The following PDE11A variants were observed in gnomAD, a reference collection of about 807,000 sequenced individuals.
The protein encoded by PDE11A is dual 3',5'-cyclic-AMP and -GMP phosphodiesterase 11A.
A neutral mutation model predicts 100.5 loss-of-function variants in PDE11A; 100 were observed. The ratio of observed to expected loss-of-function variants is 1.00; its 90% confidence interval spans 0.85 to 1.18. The LOEUF (loss-of-function observed/expected upper bound fraction) is 1.18, where lower values mean the gene tolerates loss of function less well. Among genes scored for constraint, PDE11A ranks in the 50% most tolerant of loss-of-function variants. The probability of loss-of-function intolerance (pLI) is 0.00; values close to 1 mark genes in which losing one functional copy is unlikely to be tolerated. For synonymous variants in PDE11A, 381 were observed against 420.8 expected, an observed-to-expected ratio of 0.91 and a Z score of 1.16; for missense variants, 1,141 against 1,152.6, an observed-to-expected ratio of 0.99 and a Z score of 0.15.
At chr2:177,641,036 C>G (rs1361913797) in intron 19 of PDE11A, among the ~76,000 whole-genome samples, 1 of 152,194 alleles carries the variant, frequency 6.6e-6, no homozygotes, top group African/African-American at 2.4e-5. Context: ...GCTGCAGCCT[C>G]CTAACCAGTC....
Position 177,817,883 on chromosome 2 carries a change from T to C in PDE11A, c.1619A>G (p.Asp540Gly). 1 of 1,541,366 alleles carries C rather than the reference T, an allele frequency of 6.5e-7. No homozygotes were observed. The highest frequency in any genetic ancestry group is 9.0e-7 in the Non-Finnish European group (1 of 1,115,416). ...VLNRLDGKPFDDADQRLFEAF... is the reference protein window; with the variant it reads ...VLNRLDGKPFGDADQRLFEAF... Reference sequence around the variant, plus strand: ...CTCAAAAAGTCGTTGATCTGCATCATCAAAAGGTTTCCCATCAAGTCTGTT... The same window carrying C: ...CTCAAAAAGTCGTTGATCTGCATCACCAAAAGGTTTCCCATCAAGTCTGTT... Residue 540 changes from aspartate to glycine, a missense_variant, in exon 8 of 20, where the codon GAT (aspartate) becomes GGT (glycine). Transcript: ENST00000286063.
Position 177,840,452 on chromosome 2 carries a change from A to G in PDE11A, c.1368-69T>C, listed in dbSNP as rs151223852. The G allele has an allele frequency of 2.3e-4, 293 of 1,296,952 alleles. 2 individuals carry two copies. The East Asian group carries it at 6.4e-3, about 28-fold the overall frequency. The allele number at this position is 1,296,952 out of a possible 1,614,324, so 80.3% of individuals were successfully genotyped here. On this transcript the variant is annotated intron_variant, in intron 5 of 19. Coordinates refer to ENST00000286063, the MANE Select transcript of PDE11A (RefSeq NM_016953.4). ...AAGTTTTCTTGAAAGGAAACCCTAT[A>G]AACTACACTAATATCAGGATAATCT...
intron 6 of PDE11A, among the ~76,000 whole-genome samples, chr2:177,831,901 A>G (rs9808399): frequency 0.076 from 11,590 of 152,202 alleles, 724 homozygotes; most frequent in African/African-American, 0.17. Context: ...GCTATGTCTT[A>G]AGGATTGGTG....
At chr2:178,009,941 C>T (rs1306053111) in intron 2 of PDE11A, among the ~76,000 whole-genome samples, 1 of 152,168 alleles carries the variant, frequency 6.6e-6, no homozygotes, top group Non-Finnish European at 1.5e-5. Context: ...GCAACAAATT[C>T]ACCACTACTC....
intron 2 of PDE11A, among the ~76,000 whole-genome samples, chr2:177,989,010 T>G (rs1436160248): frequency 1.3e-5 from 2 of 152,200 alleles, no homozygotes; most frequent in Non-Finnish European, 2.9e-5. Context: ...GTATTATATC[T>G]CAGAGAGGAT....
chr2:177,945,359 C>G (rs1574297938), intron 2 of PDE11A, among the ~76,000 whole-genome samples: 1 of 145,956 alleles, frequency 6.9e-6, no homozygotes, highest in East Asian at 2.1e-4. Flanking sequence ...GGCCGCCATC[C>G]CATCTAGGAA....
At chr2:177,735,172 G>A (rs2081758883) in intron 10 of PDE11A, among the ~76,000 whole-genome samples, 1 of 152,222 alleles carries the variant, frequency 6.6e-6, no homozygotes, top group South Asian at 2.1e-4. Flanking sequence ...ACCCCCGGGA[G>A]AGTTTAGTGA....
At chr2:177,936,449 T>C (rs1574291236) in intron 2 of PDE11A, among the ~76,000 whole-genome samples, 1 of 152,206 alleles carries the variant, frequency 6.6e-6, no homozygotes, top group Non-Finnish European at 1.5e-5. Context: ...GTGCTCTTGA[T>C]GTAGTTTAAG....
chr2:177,952,086 T>C (rs1317532681), intron 2 of PDE11A, among the ~76,000 whole-genome samples: 1 of 152,152 alleles, frequency 6.6e-6, no homozygotes, highest in African/African-American at 2.4e-5. Flanking sequence ...CTACCTAAAC[T>C]TCCTCATTTA....
intron 2 of PDE11A, among the ~76,000 whole-genome samples, chr2:178,004,849 G>T (rs1459194662): frequency 1.3e-5 from 2 of 152,076 alleles, no homozygotes; most frequent in African/African-American, 2.4e-5. Flanking sequence ...GCTATGTCAG[G>T]TTATTATCAT....
chr2:178,004,848 G>C (rs1293596073), intron 2 of PDE11A, among the ~76,000 whole-genome samples: 1 of 152,092 alleles, frequency 6.6e-6, no homozygotes, highest in Non-Finnish European at 1.5e-5. Context: ...GGCTATGTCA[G>C]GTTATTATCA....
intron 10 of PDE11A, among the ~76,000 whole-genome samples, chr2:177,760,307 AT>A (rs1558924819): frequency 6.6e-6 from 1 of 152,194 alleles, no homozygotes; most frequent in Non-Finnish European, 1.5e-5. Context: ...GCATTAGTGT[AT>A]AGTTTTTATA....
At chr2:177,889,958 G>C (rs1046311627) in intron 4 of PDE11A, among the ~76,000 whole-genome samples, 4 of 151,928 alleles carry the variant, frequency 2.6e-5, no homozygotes, top group African/African-American at 9.7e-5. Flanking sequence ...CCTGCTAGTG[G>C]CTCTTTGTTG....
chr2:178,008,650 A>T (rs931936165), intron 2 of PDE11A, among the ~76,000 whole-genome samples: 2 of 152,184 alleles, frequency 1.3e-5, no homozygotes, highest in East Asian at 1.9e-4. Context: ...TTTCCCTATT[A>T]TCTGGCTGTG....
intron 4 of PDE11A, among the ~76,000 whole-genome samples, chr2:177,896,159 C>T (rs2084608657): frequency 2.0e-5 from 3 of 152,054 alleles, no homozygotes; most frequent in South Asian, 2.1e-4. Flanking sequence ...TACCAGCCAG[C>T]GCTGTTATCG....
At chr2:178,082,230 G>C (rs760970198) in intron 2 of PDE11A, among the ~76,000 whole-genome samples, 8 of 152,174 alleles carry the variant, frequency 5.3e-5, no homozygotes, top group Non-Finnish European at 8.8e-5. Context: ...AAAGGAGCAG[G>C]ATTGAAAATA....
intron 15 of PDE11A, among the ~76,000 whole-genome samples, chr2:177,690,145 T>C (rs2081021516): frequency 6.6e-6 from 1 of 152,140 alleles, no homozygotes; most frequent in South Asian, 2.1e-4. Context: ...ATGGAATGAG[T>C]ATATGGAAAA....
intron 2 of PDE11A, among the ~76,000 whole-genome samples, chr2:177,947,434 C>T (rs2105780393): frequency 1.3e-5 from 2 of 152,340 alleles, no homozygotes; most frequent in East Asian, 3.9e-4. Context: ...AAAAATTCTT[C>T]TGCCTTGGGA....
At chr2:177,746,767 C>G (rs1200640380) in intron 10 of PDE11A, among the ~76,000 whole-genome samples, 4 of 152,074 alleles carry the variant, frequency 2.6e-5, no homozygotes, top group African/African-American at 9.7e-5. Context: ...TCTAACCATA[C>G]AAGTAAGCCT....
Sources: allele counts gnomAD v4.1 joint callset (sites outside exome capture counted in the v4.1 genomes callset), GRCh38; gene constraint gnomAD v4.1.1; transcripts MANE v1.5; gene names NCBI Gene and HGNC (gene_info 2026-07-23, HGNC 2026-07-21).